Variants in HAPLN1 observed in about 807,000 individuals in gnomAD.
The protein encoded by HAPLN1 is hyaluronan and proteoglycan link protein 1.
HAPLN1 carries 13 observed loss-of-function variants against 36.5 expected under a neutral mutation model. That is an observed-to-expected ratio of 0.36 (90% CI 0.23 to 0.57). HAPLN1 has a LOEUF of 0.57. HAPLN1 is among the 20% of genes least tolerant of loss of function. The probability of loss-of-function intolerance (pLI) is 0.83; values close to 1 mark genes in which losing one functional copy is unlikely to be tolerated. For missense variants in HAPLN1, 407 were observed against 439.7 expected (o/e 0.93, Z 0.66); for synonymous variants, 202 against 169.8 (o/e 1.19, Z -1.48).
At chr5:83,656,701 C>A (rs1750228386) in intron 2 of HAPLN1, among the ~76,000 whole-genome samples, 2 of 152,042 alleles carry the variant, frequency 1.3e-5, no homozygotes, top group African/African-American at 4.8e-5. Flanking sequence ...GATCTGATGC[C>A]CTTCAAAGCT....
At chr5:83,666,456 G>C (rs1370912550) in intron 2 of HAPLN1, among the ~76,000 whole-genome samples, 1 of 152,092 alleles carries the variant, frequency 6.6e-6, no homozygotes, top group Admixed American at 6.6e-5. Context: ...GGATAAAACA[G>C]AGAAAACAAT....
At chr5:83,688,372 C>T (rs1210610731) in intron 1 of HAPLN1, among the ~76,000 whole-genome samples, 20 of 152,146 alleles carry the variant, frequency 1.3e-4, no homozygotes, top group Admixed American at 1.3e-3. Flanking sequence ...AGAGCTCCTG[C>T]CATTCTCTAT....
chr5:83,648,440 G>C (rs1324358257), intron 3 of HAPLN1, among the ~76,000 whole-genome samples: 1 of 66,222 alleles, frequency 1.5e-5, no homozygotes, highest in Non-Finnish European at 3.0e-5. Context: ...TATATATATG[G>C]TTTGAATCCA....
At chr5:83,660,274 G>A (rs1031618158) in intron 2 of HAPLN1, among the ~76,000 whole-genome samples, 1 of 152,140 alleles carries the variant, frequency 6.6e-6, no homozygotes, top group Non-Finnish European at 1.5e-5. Flanking sequence ...GAGTGATGCT[G>A]ATCATGAATG....
chr5:83,651,109 A>G (rs905009484), intron 3 of HAPLN1, among the ~76,000 whole-genome samples: 2 of 152,194 alleles, frequency 1.3e-5, no homozygotes, highest in Non-Finnish European at 2.9e-5. Context: ...TAAATATTGC[A>G]TGTGAATTAC....
chr5:83,641,559 G>A lies in HAPLN1; in HGVS notation c.1002C>T (p.Phe334=). Residue 334 remains phenylalanine, a synonymous_variant, in exon 5 of 5, where the codon TTC becomes TTT. Transcript: ENST00000274341. ...RCSPTEAAVR[F]VGFPDKKHKL... is the part of the protein sequence containing the mutation. ...TATGCTTTTTATCTGGGAAACCCACGAAGCGCACTGCAGCCTCAGTAGGAC... is the reference window on the plus strand; with the variant it reads ...TATGCTTTTTATCTGGGAAACCCACAAAGCGCACTGCAGCCTCAGTAGGAC... 1 of 1,614,086 alleles carries A rather than the reference G, an allele frequency of 6.2e-7. No individual in the cohort carries two copies. The highest frequency in any genetic ancestry group is 8.5e-7 in the Non-Finnish European group (1 of 1,179,986).
chr5:83,693,231 T>C (rs984430586), intron 1 of HAPLN1, among the ~76,000 whole-genome samples: 1 of 151,786 alleles, frequency 6.6e-6, no homozygotes, highest in Non-Finnish European at 1.5e-5. Flanking sequence ...ATTGCAGATA[T>C]GAGCAGGACT....
intron 3 of HAPLN1, among the ~76,000 whole-genome samples, chr5:83,649,997 C>T (rs1320424709): frequency 6.6e-6 from 1 of 152,150 alleles, no homozygotes; most frequent in Non-Finnish European, 1.5e-5. Context: ...GCTATGAGAA[C>T]ATCATGGAGG....
At chr5:83,712,247 T>C (rs555149531) in intron 1 of HAPLN1, among the ~76,000 whole-genome samples, 2 of 152,276 alleles carry the variant, frequency 1.3e-5, no homozygotes, top group South Asian at 2.1e-4. Flanking sequence ...CTTTCAGGTA[T>C]TCTGCAGTTA....
At chr5:83,695,878 G>A (rs548482122) in intron 1 of HAPLN1, among the ~76,000 whole-genome samples, 21 of 151,772 alleles carry the variant, frequency 1.4e-4, no homozygotes, top group Admixed American at 2.6e-4. Flanking sequence ...AAGCATTTAC[G>A]TTTTTACCAT....
At chr5:83,712,997 T>C (rs1751830580) in intron 1 of HAPLN1, among the ~76,000 whole-genome samples, 1 of 152,108 alleles carries the variant, frequency 6.6e-6, no homozygotes, top group African/African-American at 2.4e-5. Flanking sequence ...AAACGAATTA[T>C]AAATAGACTT....
At position 83,716,227 on chromosome 5, in the gene HAPLN1, T is replaced by A. The variant is rs551757875; in HGVS notation, c.-27+4562A>T. 2.0e-5 allele frequency among the ~76,000 whole-genome samples: 3 copies of A among 152,328 alleles called. No individual in the cohort carries two copies. The East Asian group carries it at 5.8e-4, about 29-fold the overall frequency. On this transcript the variant is annotated intron_variant, in intron 1 of 4. Coordinates refer to ENST00000274341, the MANE Select transcript of HAPLN1 (RefSeq NM_001884.4). ...TAAACATAATTTGAATATTATTTAA[T>A]TTAATTGGATATTATAGTAATTGGA...
chr5:83,686,629 G>A (rs1171302897), intron 1 of HAPLN1, among the ~76,000 whole-genome samples: 1 of 152,114 alleles, frequency 6.6e-6, no homozygotes, highest in African/African-American at 2.4e-5. Context: ...GACTAAAATT[G>A]TAATACATCA....
rs1749610286 is a variant in HAPLN1 at position 83,639,258 on chromosome 5, G to A, written c.*2238C>T. On this transcript the variant is annotated 3_prime_UTR_variant, in exon 5 of 5. Coordinates refer to ENST00000274341, the MANE Select transcript of HAPLN1 (RefSeq NM_001884.4). ...TGAGAAGAAAAAATTCTGCTCAGCA[G>A]TATTCACTGTGTTAAGATTTTTTGT... The A allele has an allele frequency of 6.6e-6, 1 of 152,020 alleles. No individual in the cohort carries two copies. Among genetic ancestry groups the A allele is most frequent in the South Asian group, 2.1e-4 (1 of 4,826 alleles). The allele number at this position is 152,020 out of a possible 1,614,324, so 9.4% of individuals were successfully genotyped here.
chr5:83,674,190 T>A (rs1182070034), intron 1 of HAPLN1: 1 of 152,220 alleles, frequency 6.6e-6, no homozygotes, highest in Non-Finnish European at 1.5e-5. Flanking sequence ...ACAAACTAGG[T>A]TAGAGTTGTG....
At chr5:83,656,696 G>A (rs541011634) in intron 2 of HAPLN1, among the ~76,000 whole-genome samples, 3 of 152,124 alleles carry the variant, frequency 2.0e-5, no homozygotes, top group African/African-American at 7.2e-5. Context: ...TGAAAGATCT[G>A]ATGCCCTTCA....
chr5:83,662,584 AGT>A (rs1750436126), intron 2 of HAPLN1, among the ~76,000 whole-genome samples: 1 of 152,242 alleles, frequency 6.6e-6, no homozygotes, highest in African/African-American at 2.4e-5. Context: ...TAATATGTTG[AGT>A]GACATTCTTA....
intron 2 of HAPLN1, among the ~76,000 whole-genome samples, chr5:83,661,379 TC>T (rs1173234244): frequency 2.0e-5 from 3 of 151,658 alleles, no homozygotes; most frequent in African/African-American, 7.3e-5. Context: ...TGCCATCCAT[TC>T]CTTGTTCCTC....
intron 1 of HAPLN1, among the ~76,000 whole-genome samples, chr5:83,698,123 T>C (rs1178165194): frequency 6.6e-6 from 1 of 152,144 alleles, no homozygotes; most frequent in Non-Finnish European, 1.5e-5. Flanking sequence ...CTATGTTGTC[T>C]TCAAAAGTTT....
Sources: gnomAD v4.1 joint callset for allele counts (sites outside exome capture counted in the v4.1 genomes callset) on GRCh38, gnomAD v4.1.1 for gene constraint, MANE v1.5 for transcripts, NCBI Gene and HGNC (gene_info 2026-07-23, HGNC 2026-07-21) for gene names.